The following SRSF11 variants were observed in gnomAD, a reference collection of about 807,000 sequenced individuals.
SRSF11 encodes serine/arginine-rich splicing factor 11.
In SRSF11, 9 loss-of-function variants were observed where a neutral mutation model predicts 56.0. The ratio of observed to expected loss-of-function variants is 0.16; its 90% CI spans 0.10 to 0.28. The LOEUF (loss-of-function observed/expected upper bound fraction) is 0.28. SRSF11 is among the 10% of genes least tolerant of loss of function. The pLI is 1.00. For missense variants in SRSF11, 421 were observed against 600.7 expected (o/e 0.70, Z 3.13); for synonymous variants, 222 against 215.3 (o/e 1.03, Z -0.27).
upstream of SRSF11, among the ~76,000 whole-genome samples, chr1:70,218,370 C>T (rs907273365): frequency 4.6e-5 from 7 of 152,102 alleles, no homozygotes; most frequent in African/African-American, 7.2e-5. Flanking sequence ...ATTTTAAAAT[C>T]CTCTTCAGTT....
At chr1:70,241,671 C>G (rs566078563) in intron 7 of SRSF11, among the ~76,000 whole-genome samples, 1 of 152,206 alleles carries the variant, frequency 6.6e-6, no homozygotes. Flanking sequence ...CTTCATGTTT[C>G]TGCTCATGAT....
chr1:70,207,789 G>A (rs924109331), intron 1 of SRSF11, among the ~76,000 whole-genome samples: 4 of 150,382 alleles, frequency 2.7e-5, no homozygotes, highest in Admixed American at 2.0e-4. Context: ...ACAGTGGTGC[G>A]ATCACAGCTC....
At chr1:70,236,332 CTT>C (rs554617176) in intron 5 of SRSF11, among the ~76,000 whole-genome samples, 5 of 133,838 alleles carry the variant, frequency 3.7e-5, no homozygotes, top group Admixed American at 7.5e-5. Flanking sequence ...CTTTCTTTTT[CTT>C]TTTTTTTTTT....
intron 1 of SRSF11, among the ~76,000 whole-genome samples, chr1:70,212,538 T>G (rs951665076): frequency 1.3e-5 from 2 of 152,182 alleles, no homozygotes; most frequent in African/African-American, 2.4e-5. Flanking sequence ...ATTACAGGTG[T>G]GAGCCATTAT....
rs1677734655 is a variant in SRSF11, at chr1:70,250,396, AAAGAAAGAAGTAGGG to A, written c.1152_1166del (p.Lys384_Asp389delinsAsn). The A allele has an allele frequency of 1.2e-6, 2 of 1,606,166 alleles. No individual in the cohort carries two copies. Among genetic ancestry groups the A allele is most frequent in the Admixed American group, 1.7e-5 (1 of 59,932 alleles). On this transcript the variant is annotated inframe_deletion, in exon 11 of 12. Coordinates refer to ENST00000370949, the MANE Select transcript of SRSF11 (RefSeq NM_001350605.2). ...AAAGGAGAAGAAGAAAGATAAAGAC[AAAGAAAGAAGTAGGG>A]ATGAAAGAGAACGATCAACAAGCAA...
upstream of SRSF11, among the ~76,000 whole-genome samples, chr1:70,216,482 G>C (rs1403749898): frequency 6.7e-6 from 1 of 149,970 alleles, no homozygotes; most frequent in East Asian, 2.0e-4. Context: ...ACCCAGACTA[G>C]AGTACAGTGT....
chr1:70,248,647 C>T (rs552184247), intron 9 of SRSF11: 18 of 152,006 alleles, frequency 1.2e-4, no homozygotes, highest in African/African-American at 4.3e-4. Flanking sequence ...TATTTTCTTA[C>T]CTTAAAAACT....
intron 9 of SRSF11, 40 bp downstream of exon 9, chr1:70,246,947 A>C (rs746044370): frequency 6.5e-7 from 1 of 1,530,968 alleles, no homozygotes; most frequent in Non-Finnish European, 8.9e-7. Context: ...TATTTTTTTA[A>C]CTTTGCTTCT....
rs1193740271 is a variant in SRSF11, at chr1:70,251,510, C to T, written c.*705C>T. 6.6e-6 allele frequency: 1 copy of T among 152,350 alleles called. No individual in the cohort carries two copies. Among genetic ancestry groups the T allele is most frequent in the Non-Finnish European group, 1.5e-5 (1 of 67,974 alleles). 9.4% of individuals were successfully genotyped at this position (152,350 alleles called of 1,614,324 possible). A position where few individuals can be genotyped will look rare whatever the true frequency, so the allele number is the denominator to read the frequency against. On this transcript the variant is annotated 3_prime_UTR_variant, in exon 12 of 12. Coordinates refer to ENST00000370949, the MANE Select transcript of SRSF11 (RefSeq NM_001350605.2). ...GCATATTTTGAAGTAGAGTTGTATA[C>T]TTTTTCATAAGATGTTTGGGAATTT... is the stretch of plus-strand genomic sequence containing the variant.
At chr1:70,218,931 A>G (rs981717548), upstream of SRSF11, 1 of 152,232 alleles carries the variant, frequency 6.6e-6, no homozygotes, top group African/African-American at 2.4e-5. Flanking sequence ...CATTAAAAAT[A>G]AAAGGTTTTA....
Position 70,221,851 on chromosome 1 carries a change from C to T in SRSF11, c.203+12C>T, listed in dbSNP as rs778872059. 21 of 1,613,512 alleles carry T rather than the reference C, an allele frequency of 1.3e-5. No homozygotes were observed. The highest frequency in any genetic ancestry group is 1.7e-5 in the Non-Finnish European group (20 of 1,179,942). On this transcript the variant is annotated intron_variant, in intron 1 of 11. Coordinates refer to ENST00000370949, the MANE Select transcript of SRSF11 (RefSeq NM_001350605.2). ...CTCTTCCCGCCGGAGTGAGTATCGT[C>T]CACCATCACTGTTCCTGCTAACGCC...
chr1:70,237,342 A>C (rs1414448829), intron 5 of SRSF11, 83 bp from the exon 6 acceptor site: 1 of 1,543,312 alleles, frequency 6.5e-7, no homozygotes, highest in African/African-American at 1.4e-5. Flanking sequence ...TTGCTAAAAT[A>C]ATGTTATATA....
At chr1:70,239,637 C>T (rs1674878869) in intron 7 of SRSF11, 117 bp downstream of exon 7, 1 of 698,072 alleles carries the variant, frequency 1.4e-6, no homozygotes, top group Admixed American at 3.1e-5. Flanking sequence ...GTAACCTCTG[C>T]TGTTAGAATG....
At chr1:70,246,291 G>T (rs927075811) in intron 8 of SRSF11, among the ~76,000 whole-genome samples, 1 of 152,024 alleles carries the variant, frequency 6.6e-6, no homozygotes, top group Non-Finnish European at 1.5e-5. Context: ...TACGGCTGTA[G>T]TCAAAATCTG....
At chr1:70,239,234 G>A (rs1275300039) in intron 6 of SRSF11, among the ~76,000 whole-genome samples, 1 of 152,010 alleles carries the variant, frequency 6.6e-6, no homozygotes, top group Non-Finnish European at 1.5e-5. Context: ...TGGGACCACA[G>A]GCACACACCG....
intron 1 of SRSF11, among the ~76,000 whole-genome samples, chr1:70,226,523 A>G (rs1400548342): frequency 1.3e-5 from 2 of 152,220 alleles, no homozygotes; most frequent in Non-Finnish European, 2.9e-5. Context: ...TATTAAAAAT[A>G]TCATATTTGG....
intron 1 of SRSF11, among the ~76,000 whole-genome samples, chr1:70,222,458 C>T (rs1670863262): frequency 3.3e-5 from 5 of 152,070 alleles, no homozygotes. Context: ...CACAGTTGTT[C>T]TTGAGAAGGA....
chr1:70,214,231 T>G (rs1262109425), intron 1 of SRSF11, among the ~76,000 whole-genome samples: 1 of 152,208 alleles, frequency 6.6e-6, no homozygotes, highest in Admixed American at 6.5e-5. Flanking sequence ...CTCCAATGGC[T>G]TTTTGTCAGT....
intron 2 of SRSF11, chr1:70,232,000 C>G: frequency 6.6e-7 from 1 of 1,519,504 alleles, no homozygotes; most frequent in Non-Finnish European, 8.8e-7. Flanking sequence ...GCAGTGTTAA[C>G]AAAAAAGTAG....
Sources: gnomAD v4.1 joint callset for allele counts (sites outside exome capture counted in the v4.1 genomes callset) on GRCh38, gnomAD v4.1.1 for gene constraint, MANE v1.5 for transcripts, NCBI Gene and HGNC (gene_info 2026-07-23, HGNC 2026-07-21) for gene names.